The following EIF4G3 variants were observed in gnomAD, a reference collection of about 807,000 sequenced individuals.
The protein encoded by EIF4G3 is eukaryotic translation initiation factor 4 gamma 3.
A neutral mutation model predicts 186.4 loss-of-function variants in EIF4G3; 34 were observed. The observed-to-expected ratio is 0.18, with a 90% CI of 0.14 to 0.24. The LOEUF is 0.24. Among genes scored for constraint, EIF4G3 ranks in the 10% least tolerant of loss-of-function variants. EIF4G3 has a pLI of 1.00. For missense variants in EIF4G3, 1,536 were observed against 1,948.5 expected (o/e 0.79, Z 3.99); for synonymous variants, 673 against 679.5 (o/e 0.99, Z 0.15).
chr1:20,809,133 C>T (rs2058728466), intron 36 of EIF4G3, among the ~76,000 whole-genome samples: 2 of 152,192 alleles, frequency 1.3e-5, no homozygotes, highest in Non-Finnish European at 2.9e-5. Context: ...GCCACCACGC[C>T]CAGCTAATTT....
chr1:20,889,326 T>C (rs2154555279), intron 18 of EIF4G3, among the ~76,000 whole-genome samples: 1 of 152,278 alleles, frequency 6.6e-6, no homozygotes, highest in African/African-American at 2.4e-5. Context: ...AGGATTCTTC[T>C]TTGCTGCTAG....
chr1:20,807,124 AG>A lies in EIF4G3; in HGVS notation c.*194del. On this transcript the variant is annotated 3_prime_UTR_variant, in exon 37 of 37. Coordinates refer to ENST00000602326, the MANE Select transcript of EIF4G3 (RefSeq NM_001391906.1). ...TTTTGGTTTTAGTGCTCCCGCCCTA[AG>A]GTTTGAAGTTTACTTTTATCCAGTA... is the stretch of plus-strand genomic sequence containing the variant. 2.5e-6 allele frequency: 1 copy of A among 405,398 alleles called. No individual in the cohort carries two copies. The highest frequency in any genetic ancestry group is 4.3e-6 in the Non-Finnish European group (1 of 232,174). The allele number at this position is 405,398 out of a possible 1,614,324, so 25.1% of individuals were successfully genotyped here.
chr1:21,142,153 T>G (rs1026811781), intron 2 of EIF4G3, among the ~76,000 whole-genome samples: 4 of 151,846 alleles, frequency 2.6e-5, no homozygotes, highest in African/African-American at 9.7e-5. Flanking sequence ...AAGGCCAGCC[T>G]AGGCAACACA....
At chr1:21,003,864 CTGGTGGT>C in intron 4 of EIF4G3, 1 of 302,004 alleles carries the variant, frequency 3.3e-6, no homozygotes, top group Non-Finnish European at 6.3e-6. Context: ...TAGTAAGACT[CTGGTGGT>C]TACCTCTCTA....
chr1:20,963,409 C>G (rs2073885931), intron 12 of EIF4G3, among the ~76,000 whole-genome samples: 1 of 151,974 alleles, frequency 6.6e-6, no homozygotes, highest in African/African-American at 2.4e-5. Context: ...TTAAGGTTTG[C>G]AGGTATCAAC....
chr1:20,899,828 A>G lies in EIF4G3; in HGVS notation c.1868T>C (p.Val623Ala). 6.2e-7 allele frequency: 1 copy of G among 1,614,086 alleles called. No homozygotes were observed. Among genetic ancestry groups the G allele is most frequent in the Middle Eastern group, 1.6e-4 (1 of 6,062 alleles). Residue 623 changes from valine (V) to alanine (A), a missense_variant, in exon 16 of 37, where the codon GTG becomes GCG. Physicochemically the swap from Val to Ala is moderately conservative, Grantham distance 64. Around this residue, in one of 11 missense-constraint regions of EIF4G3, gnomAD observed 560 missense variants for 547.8 expected, o/e 1.02. Coordinates refer to ENST00000602326, the MANE Select transcript of EIF4G3 (RefSeq NM_001391906.1). ...DPSDLKKVKA[V>A]EENGEEAEPV... The stretch of plus-strand genomic sequence containing the variant: ...CTCAGCTTCTTCTCCATTTTCTTCC[A>G]CAGCTTTCACTTTTTTTAGGTCAGA...
In EIF4G3 at chr1:20,840,759, T is replaced by C. The variant is rs1381310618; in HGVS notation, c.4061+97A>G. Reference sequence around the variant, plus strand: ...TTACAGTGGATACAATTTTCATCTATGGAAAAAACTAAATACTTAAAGAGG... The same window carrying C: ...TTACAGTGGATACAATTTTCATCTACGGAAAAAACTAAATACTTAAAGAGG... On this transcript the variant is annotated intron_variant, in intron 30 of 36. Coordinates refer to ENST00000602326, the MANE Select transcript of EIF4G3 (RefSeq NM_001391906.1). 2.1e-5 allele frequency: 24 copies of C among 1,135,852 alleles called. No individual in the cohort carries two copies. The East Asian group carries it at 2.1e-4, about 10-fold the overall frequency. The allele number at this position is 1,135,852 out of a possible 1,614,324, so 70.4% of individuals were successfully genotyped here. A position where few individuals can be genotyped will look rare whatever the true frequency, so the allele number is the denominator to read the frequency against.
chr1:20,919,517 T>C (rs2094289990), intron 14 of EIF4G3, among the ~76,000 whole-genome samples: 1 of 152,200 alleles, frequency 6.6e-6, no homozygotes, highest in Non-Finnish European at 1.5e-5. Context: ...ATATTTTTCT[T>C]ATCATCATCA....
At chr1:21,099,566 A>G (rs2096468954) in intron 2 of EIF4G3, among the ~76,000 whole-genome samples, 2 of 152,252 alleles carry the variant, frequency 1.3e-5, no homozygotes, top group South Asian at 2.1e-4. Context: ...AGGGAGTGCT[A>G]GACTCAAAAA....
intron 16 of EIF4G3, 136 bp from the exon 17 acceptor site, chr1:20,895,637 A>ATATGC: frequency 1.1e-6 from 1 of 933,350 alleles, no homozygotes; most frequent in Non-Finnish European, 1.5e-6. Context: ...GGCTATAATG[A>ATATGC]AGCTGAAAGG....
chr1:21,170,955 G>A (rs901376814), intron 2 of EIF4G3, among the ~76,000 whole-genome samples: 11 of 151,548 alleles, frequency 7.3e-5, no homozygotes, highest in Admixed American at 7.2e-4. Context: ...ACTCCAGCCT[G>A]GGTGACAGAG....
chr1:20,998,118 C>T (rs1025599714), intron 6 of EIF4G3, among the ~76,000 whole-genome samples: 4 of 151,626 alleles, frequency 2.6e-5, no homozygotes, highest in African/African-American at 9.7e-5. Flanking sequence ...CAATTAACTG[C>T]AAATTTTCTT....
intron 19 of EIF4G3, among the ~76,000 whole-genome samples, chr1:20,885,220 G>C (rs1005618786): frequency 1.3e-5 from 2 of 152,168 alleles, no homozygotes; most frequent in Admixed American, 6.5e-5. Context: ...GTTATGTGAT[G>C]GTACTGAATC....
intron 31 of EIF4G3, 125 bp from the exon 32 acceptor site, chr1:20,827,823 G>A: frequency 1.9e-6 from 1 of 518,380 alleles, no homozygotes; most frequent in Non-Finnish European, 3.5e-6. Flanking sequence ...GCAAGCCAAA[G>A]CTCCAGGACA....
Position 20,810,676 on chromosome 1 carries a change from A to C in EIF4G3, c.4744+62T>G, listed in dbSNP as rs1008351846. 85 of 1,557,194 alleles carry C rather than the reference A, an allele frequency of 5.5e-5. No homozygotes were observed. Among genetic ancestry groups the C allele is most frequent in the Non-Finnish European group, 7.2e-5 (82 of 1,132,774 alleles). On this transcript the variant is annotated intron_variant, in intron 36 of 36. Coordinates refer to ENST00000602326, the MANE Select transcript of EIF4G3 (RefSeq NM_001391906.1). This position sits in a 1 kb window ranked among gnomAD's most constrained non-coding sequence, Gnocchi z 4.1. ...TTGTTCGAACCCTAAATCATCTCTA[A>C]GTCCTGGCTTGGATAAATCTCACTC...
chr1:20,972,535 G>A (rs2076100294), intron 11 of EIF4G3, among the ~76,000 whole-genome samples: 1 of 152,122 alleles, frequency 6.6e-6, no homozygotes, highest in Non-Finnish European at 1.5e-5. Flanking sequence ...TTGGGAGGCT[G>A]AGGCATGAGA....
At chr1:21,064,045 CTG>C (rs1357603535) in intron 3 of EIF4G3, among the ~76,000 whole-genome samples, 4 of 152,042 alleles carry the variant, frequency 2.6e-5, no homozygotes, top group African/African-American at 7.2e-5. Context: ...ATACTTTTCT[CTG>C]TGTTTCCATT....
intron 4 of EIF4G3, among the ~76,000 whole-genome samples, chr1:21,005,058 TG>T (rs2084665330): frequency 6.6e-6 from 1 of 152,154 alleles, no homozygotes; most frequent in Non-Finnish European, 1.5e-5. Context: ...TTTCTTATCA[TG>T]GATTAGTTTC....
intron 4 of EIF4G3, among the ~76,000 whole-genome samples, chr1:21,020,418 A>C (rs965215238): frequency 6.6e-6 from 1 of 152,130 alleles, no homozygotes; most frequent in African/African-American, 2.4e-5. Context: ...TCAGCCTAGG[A>C]GGAGGAGGTT....
Sources: allele counts gnomAD v4.1 joint callset (sites outside exome capture counted in the v4.1 genomes callset), GRCh38; gene constraint gnomAD v4.1.1; regional missense constraint gnomAD v4.1.1; non-coding constraint Gnocchi (gnomAD v3.1); transcripts MANE v1.5; gene names NCBI Gene and HGNC (gene_info 2026-07-23, HGNC 2026-07-21).